The following CSE1L variants were observed in gnomAD, a reference collection of about 807,000 sequenced individuals.
CSE1L encodes the protein exportin-2.
CSE1L carries 24 observed loss-of-function variants against 120.4 expected under a neutral mutation model. The observed-to-expected ratio is 0.20, with a 90% CI of 0.14 to 0.28. The LOEUF (loss-of-function observed/expected upper bound fraction) is 0.28, where lower values mean the gene tolerates loss of function less well. Ranked by LOEUF, CSE1L falls within the 10% of genes least tolerant of loss-of-function variation. The probability of loss-of-function intolerance (pLI) is 1.00; values close to 1 mark genes in which losing one functional copy is unlikely to be tolerated. For synonymous variants in CSE1L, 402 were observed against 398.3 expected, an observed-to-expected ratio of 1.01 and a Z score of -0.11; for missense variants, 830 against 1,145.2, an observed-to-expected ratio of 0.72 and a Z score of 3.97.
In CSE1L at chr20:49,072,441, T is replaced by A. The variant is rs1448429817; in HGVS notation, c.924T>A (p.Val308=). 6.2e-7 allele frequency: 1 copy of A among 1,613,884 alleles called. No homozygotes were observed. Among genetic ancestry groups the A allele is most frequent in the African/African-American group, 1.3e-5 (1 of 74,946 alleles). ...TACTAGTTACAACGGGTCAAGAGGT[T>A]AAATATGATTTGGTAAGATGATGGT... The part of the protein sequence containing the change: ...WNLLVTTGQE[V]KYDLLVSNAI... The change falls in exon 9 of 25, where the codon GTT becomes GTA. Residue 308 remains valine, a synonymous_variant. Coordinates refer to ENST00000262982, the MANE Select transcript of CSE1L (RefSeq NM_001316.4).
Position 49,072,643 on chromosome 20 carries a change from A to G in CSE1L, c.1012A>G (p.Asn338Asp), listed in dbSNP as rs377449760. Residue 338 changes from asparagine (N) to aspartate (D), a missense_variant, in exon 10 of 25, where the codon AAC becomes GAC. This residue lies in a region of CSE1L where 543 missense variants were observed against 640.2 expected (regional missense o/e 0.85). Coordinates refer to ENST00000262982, the MANE Select transcript of CSE1L (RefSeq NM_001316.4). The stretch of plus-strand genomic sequence containing the variant: ...TTATAAGAATCTATTTGAGGACCAG[A>G]ACACGCTGACAAGTATCTGTGAAAA... ...PHYKNLFEDQ[N>D]TLTSICEKVI... is the part of the protein sequence containing the mutation. 1 of 1,613,822 alleles carries G rather than the reference A, an allele frequency of 6.2e-7. No homozygotes were observed.
At chr20:49,052,954 A>G (rs11908651) in intron 1 of CSE1L, among the ~76,000 whole-genome samples, 15,115 of 152,186 alleles carry the variant, frequency 0.099, 1,011 homozygotes, top group African/African-American at 0.19. Context: ...AAATATACAA[A>G]TGCTAGAGAA....
intron 10 of CSE1L, 103 bp from the exon 11 acceptor site, chr20:49,074,682 T>G (rs548474535): frequency 1.5e-5 from 12 of 819,974 alleles, no homozygotes; most frequent in Non-Finnish European, 2.3e-5. Context: ...AACGAATTCT[T>G]TGCTGTAGAA....
At chr20:49,050,703 G>A (rs2091760609) in intron 1 of CSE1L, among the ~76,000 whole-genome samples, 1 of 151,784 alleles carries the variant, frequency 6.6e-6, no homozygotes, top group Admixed American at 6.6e-5. Context: ...AAGCCACCGC[G>A]CCCGGCCTGA....
Position 49,063,216 on chromosome 20 carries a change from G to A in CSE1L, c.100G>A (p.Glu34Lys), listed in dbSNP as rs770000216. 6 of 1,575,494 alleles carry A rather than the reference G, an allele frequency of 3.8e-6. No homozygotes were observed. The highest frequency in any genetic ancestry group is 4.3e-6 in the Non-Finnish European group (5 of 1,167,674). ...AIRRPAEKFL[E>K]SVEGNQNYPL... is the part of the protein sequence containing the mutation. ...TTCTTTTACAGCTGAGAAATTTCTT[G>A]AATCTGTTGAAGGAAATCAGAATTA... Residue 34 changes from glutamate (E) to lysine (K), a missense_variant, in exon 3 of 25, where the codon GAA becomes AAA. Around this residue, in one of 4 missense-constraint regions of CSE1L, gnomAD observed 543 missense variants for 640.2 expected, o/e 0.85. Transcript: ENST00000262982.
intron 7 of CSE1L, 134 bp downstream of exon 7, chr20:49,068,956 T>C (rs2075675): frequency 0.31 from 198,456 of 633,148 alleles, 33,026 homozygotes; most frequent in African/African-American, 0.52. Context: ...TCTATTTATC[T>C]ATAGTGTTCT....
intron 13 of CSE1L, among the ~76,000 whole-genome samples, chr20:49,078,335 C>T (rs1280244018): frequency 2.0e-5 from 3 of 152,152 alleles, no homozygotes; most frequent in Non-Finnish European, 4.4e-5. Context: ...CTCATTTTTA[C>T]TCAATTATGT....
At chr20:49,068,471 C>G (rs1431451803) in intron 6 of CSE1L, among the ~76,000 whole-genome samples, 1 of 152,098 alleles carries the variant, frequency 6.6e-6, no homozygotes, top group East Asian at 1.9e-4. Context: ...TGGTGGCAGG[C>G]ACCTATAGTC....
chr20:49,062,060 T>C (rs2091857415), intron 2 of CSE1L, among the ~76,000 whole-genome samples: 1 of 152,184 alleles, frequency 6.6e-6, no homozygotes, highest in Non-Finnish European at 1.5e-5. Flanking sequence ...TCCTGGATAT[T>C]GATTACAATT....
At chr20:49,089,809 G>T in intron 19 of CSE1L, 63 bp downstream of exon 19, 1 of 1,467,842 alleles carries the variant, frequency 6.8e-7, no homozygotes, top group Non-Finnish European at 9.4e-7. Context: ...GGGGATGGCA[G>T]ATGTTTGAAA....
chr20:49,048,607 G>T lies in CSE1L; in HGVS notation c.-12+2184G>T, dbSNP rs758052845. On this transcript the variant is annotated intron_variant, in intron 1 of 24. Coordinates refer to ENST00000262982, the MANE Select transcript of CSE1L (RefSeq NM_001316.4). Reference sequence around the variant, plus strand: ...AGGTAGAGGGAATAGAAGGCTCAAGGCTCAAGGACAGGAACCGGCTTGGAA... The same window carrying T: ...AGGTAGAGGGAATAGAAGGCTCAAGTCTCAAGGACAGGAACCGGCTTGGAA... Among the ~76,000 whole-genome samples the T allele has an allele frequency of 3.3e-5, 5 of 152,280 alleles. No individual in the cohort carries two copies. The East Asian group carries it at 9.6e-4, about 29-fold the overall frequency.
At chr20:49,085,992 C>T (rs555941074) in intron 16 of CSE1L, among the ~76,000 whole-genome samples, 2 of 152,170 alleles carry the variant, frequency 1.3e-5, no homozygotes, top group East Asian at 3.9e-4. Flanking sequence ...ACTGCATGCT[C>T]ACCTAGGTAG....
chr20:49,083,868 G>C (rs561667794), intron 14 of CSE1L, among the ~76,000 whole-genome samples, 158 bp from the exon 15 acceptor site: 1 of 152,200 alleles, frequency 6.6e-6, no homozygotes, highest in Non-Finnish European at 1.5e-5. Flanking sequence ...TTATGTGCAA[G>C]TGAAAGTTTT....
chr20:49,089,744 A>C lies in CSE1L; in HGVS notation c.2179A>C (p.Ile727Leu). 6.2e-7 allele frequency: 1 copy of C among 1,613,994 alleles called. No individual in the cohort carries two copies. Among genetic ancestry groups the C allele is most frequent in the Non-Finnish European group, 8.5e-7 (1 of 1,179,866 alleles). Reference sequence around the variant, plus strand: ...AATAGCAAGTGCTGCAGCTGACAAAATTGTGCGTCAGGTTTTGATATAACT... The same window carrying C: ...AATAGCAAGTGCTGCAGCTGACAAACTTGTGCGTCAGGTTTTGATATAACT... ...NTIASAAADK[I>L]PGLLGVFQKL... Residue 727 changes from isoleucine to leucine, a missense_variant and splice_region_variant, in exon 19 of 25, where the codon ATT becomes CTT. Transcript: ENST00000262982.
chr20:49,090,286 G>A (rs1212116596), intron 19 of CSE1L, among the ~76,000 whole-genome samples: 2 of 152,138 alleles, frequency 1.3e-5, no homozygotes, highest in Non-Finnish European at 2.9e-5. Flanking sequence ...GGTCGGGCGT[G>A]GTGGCTCACA....
chr20:49,085,492 G>T (rs1457752316), intron 16 of CSE1L, 106 bp downstream of exon 16: 5 of 471,218 alleles, frequency 1.1e-5, no homozygotes, highest in South Asian at 2.7e-5. Context: ...ACCAGATAAT[G>T]TTTACCAAGT....
chr20:49,053,677 C>T (rs141132098), intron 1 of CSE1L, among the ~76,000 whole-genome samples: 253 of 152,134 alleles, frequency 1.7e-3, no homozygotes, highest in African/African-American at 5.8e-3. Flanking sequence ...CATAACTGAT[C>T]CACCATTTCA....
chr20:49,065,364 C>T (rs1431735309), intron 3 of CSE1L, among the ~76,000 whole-genome samples: 1 of 99,196 alleles, frequency 1.0e-5, no homozygotes. Flanking sequence ...GCTCTGTTGC[C>T]CAGGCTGGAA....
chr20:49,078,334 A>G lies in CSE1L; in HGVS notation c.1421-227A>G, dbSNP rs1286080231. 2.0e-5 allele frequency among the ~76,000 whole-genome samples: 3 copies of G among 152,214 alleles called. No homozygotes were observed. In the East Asian group the frequency reaches 5.8e-4, roughly 29 times the overall value. On this transcript the variant is annotated intron_variant, in intron 13 of 24. Transcript: ENST00000262982. ...CCGATGCATGGTCCAGCTCATTTTTACTCAATTATGTAATATGTGTTCCTT... is the reference window on the plus strand; with the variant it reads ...CCGATGCATGGTCCAGCTCATTTTTGCTCAATTATGTAATATGTGTTCCTT...
Sources: gnomAD v4.1 joint callset for allele counts (sites outside exome capture counted in the v4.1 genomes callset) on GRCh38, gnomAD v4.1.1 for gene constraint, gnomAD v4.1.1 regional missense constraint, MANE v1.5 for transcripts, NCBI Gene and HGNC (gene_info 2026-07-23, HGNC 2026-07-21) for gene names.